Variants in P2RY14 observed in about 807,000 individuals in gnomAD.
P2RY14 encodes P2Y purinoceptor 14.
P2RY14 carries 2 observed loss-of-function variants against 0.9 expected under a neutral mutation model. That is an observed-to-expected ratio of 2.16 (90% CI 0.88 to 6.79). The LOEUF (loss-of-function observed/expected upper bound fraction) is 6.79, where lower values mean the gene tolerates loss of function less well. Ranked by LOEUF, P2RY14 falls within the 30% of genes most tolerant of loss-of-function variation. P2RY14 has a pLI of 0.05. For synonymous variants in P2RY14, 158 were observed against 147.2 expected, an observed-to-expected ratio of 1.07 and a Z score of -0.53; for missense variants, 378 against 400.1, an observed-to-expected ratio of 0.94 and a Z score of 0.47.
intron 1 of P2RY14, among the ~76,000 whole-genome samples, chr3:151,251,196 C>G (rs1435174990): frequency 6.6e-6 from 1 of 152,194 alleles, no homozygotes; most frequent in Admixed American, 6.5e-5. Flanking sequence ...GCCAGCATCT[C>G]TCACCACCTT....
intron 1 of P2RY14, among the ~76,000 whole-genome samples, chr3:151,244,477 T>G (rs1734916776): frequency 6.9e-6 from 1 of 145,684 alleles, no homozygotes; most frequent in Non-Finnish European, 1.5e-5. Flanking sequence ...TCAAAACCAC[T>G]CAACTACATG....
chr3:151,237,253 T>A (rs1474627823), intron 1 of P2RY14, among the ~76,000 whole-genome samples: 1 of 151,190 alleles, frequency 6.6e-6, no homozygotes, highest in Non-Finnish European at 1.5e-5. Context: ...TTGGCCAGGC[T>A]GGTCTTGAAC....
chr3:151,256,587 A>C (rs1737852387), intron 1 of P2RY14, among the ~76,000 whole-genome samples: 1 of 148,742 alleles, frequency 6.7e-6, no homozygotes, highest in Non-Finnish European at 1.5e-5. Flanking sequence ...TGTGGTCCTA[A>C]AGTACCTCTC....
chr3:151,241,429 G>T (rs754438441), intron 1 of P2RY14, among the ~76,000 whole-genome samples: 1 of 152,118 alleles, frequency 6.6e-6, no homozygotes, highest in Admixed American at 6.5e-5. Flanking sequence ...TGAATTCCAT[G>T]TGTTGATCCC....
chr3:151,233,954 T>C (rs953439424), intron 1 of P2RY14, among the ~76,000 whole-genome samples: 6 of 152,260 alleles, frequency 3.9e-5, no homozygotes, highest in African/African-American at 1.2e-4. Flanking sequence ...ATGTAATCTT[T>C]TAGGACTTTA....
chr3:151,260,472 C>T (rs902115286), intron 1 of P2RY14, among the ~76,000 whole-genome samples: 1 of 152,100 alleles, frequency 6.6e-6, no homozygotes, highest in African/African-American at 2.4e-5. Flanking sequence ...ATATTAGCCT[C>T]CCAAGTAGCT....
chr3:151,242,210 A>T (rs1734288289), intron 1 of P2RY14, among the ~76,000 whole-genome samples: 1 of 152,200 alleles, frequency 6.6e-6, no homozygotes, highest in African/African-American at 2.4e-5. Context: ...GGCGCCCGCC[A>T]TTGCCCAGGC....
At chr3:151,255,875 G>A (rs1368482952) in intron 1 of P2RY14, among the ~76,000 whole-genome samples, 1 of 152,126 alleles carries the variant, frequency 6.6e-6, no homozygotes, top group African/African-American at 2.4e-5. Flanking sequence ...CTCTCAATCT[G>A]TTTCCCCATC....
chr3:151,246,483 T>C (rs574253283), intron 1 of P2RY14, among the ~76,000 whole-genome samples: 5 of 152,284 alleles, frequency 3.3e-5, no homozygotes, highest in Admixed American at 6.5e-5. Context: ...TACAACTCTC[T>C]GATCTTTGAC....
intron 1 of P2RY14, among the ~76,000 whole-genome samples, chr3:151,229,088 T>G (rs1184690799): frequency 6.6e-6 from 1 of 152,184 alleles, no homozygotes; most frequent in Non-Finnish European, 1.5e-5. Flanking sequence ...ACCACTTGTG[T>G]GTTTGTTCAA....
chr3:151,275,369 T>TA (rs1420828242), intron 1 of P2RY14, among the ~76,000 whole-genome samples: 2 of 152,160 alleles, frequency 1.3e-5, no homozygotes, highest in Admixed American at 1.3e-4. Flanking sequence ...GCTGTTCTTT[T>TA]ATTTGAATGA....
intron 1 of P2RY14, among the ~76,000 whole-genome samples, chr3:151,263,365 CAT>C (rs1245146004): frequency 2.6e-5 from 4 of 152,284 alleles, no homozygotes; most frequent in East Asian, 1.9e-4. Context: ...TTATTACAAA[CAT>C]GTGGAACCAG....
At position 151,264,146 on chromosome 3, in the gene P2RY14, C is replaced by T. The variant is rs1220998047; in HGVS notation, c.-133+14141G>A. The stretch of plus-strand genomic sequence containing the variant: ...TGGACATTTGGGTTATTTCATTGTT[C>T]AGTGTTTAAAGATCTCTGTACTTGT... On this transcript the variant is annotated intron_variant, in intron 1 of 2. Coordinates refer to ENST00000309170, the MANE Select transcript of P2RY14 (RefSeq NM_014879.4). 2.6e-5 allele frequency among the ~76,000 whole-genome samples: 4 copies of T among 152,282 alleles called. No homozygotes were observed. The South Asian group carries it at 8.3e-4, about 32-fold the overall frequency.
chr3:151,270,132 T>G, intron 1 of P2RY14: 1 of 241,388 alleles, frequency 4.1e-6, no homozygotes. Context: ...AGAAAATGAC[T>G]AATAGAACAC....
At chr3:151,220,848 CT>C (rs1729199738) in intron 1 of P2RY14, among the ~76,000 whole-genome samples, 1 of 152,126 alleles carries the variant, frequency 6.6e-6, no homozygotes, top group Admixed American at 6.6e-5. Flanking sequence ...TGGCACATTG[CT>C]GAAAAGGTAT....
chr3:151,216,743 C>T (rs771697335), intron 2 of P2RY14, among the ~76,000 whole-genome samples: 27 of 152,150 alleles, frequency 1.8e-4, no homozygotes, highest in Non-Finnish European at 2.9e-4. Flanking sequence ...GGTCTTCTAT[C>T]GCCTTTCTCC....
intron 1 of P2RY14, among the ~76,000 whole-genome samples, chr3:151,256,857 T>A (rs951409378): frequency 6.6e-6 from 1 of 151,826 alleles, no homozygotes; most frequent in East Asian, 1.9e-4. Flanking sequence ...AGGTTTTTTT[T>A]TTGTTGTTTT....
At chr3:151,218,654 G>T (rs1470927579) in intron 2 of P2RY14, among the ~76,000 whole-genome samples, 1 of 151,918 alleles carries the variant, frequency 6.6e-6, no homozygotes, top group African/African-American at 2.4e-5. Context: ...GGATCACGAG[G>T]TCAGGAGATT....
chr3:151,240,908 G>C (rs1275426561), intron 1 of P2RY14, among the ~76,000 whole-genome samples: 2 of 152,236 alleles, frequency 1.3e-5, no homozygotes, highest in African/African-American at 4.8e-5. Context: ...GATTAGCTGT[G>C]TCATCTTGCC....
Sources: gnomAD v4.1 joint callset for allele counts (sites outside exome capture counted in the v4.1 genomes callset) on GRCh38, gnomAD v4.1.1 for gene constraint, MANE v1.5 for transcripts, NCBI Gene and HGNC (gene_info 2026-07-23, HGNC 2026-07-21) for gene names.